ADAM28: variants seen among roughly 807,000 people sequenced by gnomAD.
ADAM28 encodes disintegrin and metalloproteinase domain-containing protein 28.
A neutral mutation model predicts 101.2 loss-of-function variants in ADAM28; 105 were observed. The ratio of observed to expected loss-of-function variants is 1.04; its 90% CI spans 0.89 to 1.22. The LOEUF is 1.22. Among genes scored for constraint, ADAM28 ranks in the 50% most tolerant of loss-of-function variants. The probability of loss-of-function intolerance (pLI) is 0.00; values close to 1 mark genes in which losing one functional copy is unlikely to be tolerated. For synonymous variants in ADAM28, 322 were observed against 310.6 expected (o/e 1.04, Z -0.39); for missense variants, 1,028 against 945.4 (o/e 1.09, Z -1.15).
intron 19 of ADAM28, among the ~76,000 whole-genome samples, chr8:24,350,337 A>C (rs1217870462): frequency 6.6e-6 from 1 of 152,042 alleles, no homozygotes; most frequent in East Asian, 1.9e-4. Context: ...TTGAGACAAG[A>C]GTCTCCCTCT....
At chr8:24,332,526 T>A (rs1018098937) in intron 12 of ADAM28, 134 bp from the exon 13 acceptor site, 31 of 416,080 alleles carry the variant, frequency 7.5e-5, no homozygotes, top group African/African-American at 2.3e-4. Flanking sequence ...TAATTTTTTT[T>A]ATATTTTTTG....
At chr8:24,330,233 C>T (rs1813194539) in intron 11 of ADAM28, 118 bp downstream of exon 11, 2 of 1,251,098 alleles carry the variant, frequency 1.6e-6, no homozygotes, top group Admixed American at 5.0e-5. Context: ...ACTAAATGTG[C>T]ATTTGTGCCA....
intron 16 of ADAM28, among the ~76,000 whole-genome samples, chr8:24,342,767 G>A (rs1460277338): frequency 6.6e-6 from 1 of 152,028 alleles, no homozygotes; most frequent in African/African-American, 2.4e-5. Flanking sequence ...CTGGGACTAG[G>A]GCAGAATTGA....
chr8:24,311,312 G>A (rs905529569), intron 4 of ADAM28, 49 bp from the exon 5 acceptor site: 14 of 1,446,590 alleles, frequency 9.7e-6, no homozygotes, highest in South Asian at 1.2e-5. Context: ...TTTAGCAGCG[G>A]TGCTAAAATT....
intron 10 of ADAM28, among the ~76,000 whole-genome samples, 179 bp from the exon 11 acceptor site, chr8:24,329,806 G>A (rs1311527745): frequency 6.6e-6 from 1 of 151,838 alleles, no homozygotes; most frequent in East Asian, 1.9e-4. Flanking sequence ...TATATGCTGT[G>A]ATGGGCATTC....
intron 18 of ADAM28, among the ~76,000 whole-genome samples, chr8:24,344,559 T>A (rs917158517): frequency 4.6e-5 from 7 of 152,178 alleles, no homozygotes; most frequent in African/African-American, 1.7e-4. Flanking sequence ...TGATGTTTAG[T>A]CTATATTTAT....
chr8:24,318,254 T>C (rs560172690), intron 6 of ADAM28, among the ~76,000 whole-genome samples: 1 of 152,138 alleles, frequency 6.6e-6, no homozygotes, highest in South Asian at 2.1e-4. Flanking sequence ...TTCCATTCCT[T>C]GGTAACTACG....
At position 24,356,527 on chromosome 8, in the gene ADAM28, A is replaced by T. The variant is rs971529921; in HGVS notation, c.*2123A>T. 3.3e-5 allele frequency: 5 copies of T among 152,300 alleles called. No individual in the cohort carries two copies. Among genetic ancestry groups the T allele is most frequent in the African/African-American group, 1.2e-4 (5 of 41,580 alleles). 9.4% of individuals were successfully genotyped at this position (152,300 alleles called of 1,614,324 possible). A position where few individuals can be genotyped will look rare whatever the true frequency, so the allele number is the denominator to read the frequency against. On this transcript the variant is annotated 3_prime_UTR_variant, in exon 23 of 23. Coordinates refer to ENST00000265769, the MANE Select transcript of ADAM28 (RefSeq NM_014265.6). ...TGAAGAGAAGAAATGCAGTACAATG[A>T]CAGGAAAACCATTATTTTATCATAG...
intron 2 of ADAM28, among the ~76,000 whole-genome samples, chr8:24,306,572 C>T (rs1455228417): frequency 6.6e-6 from 1 of 151,482 alleles, no homozygotes; most frequent in African/African-American, 2.4e-5. Flanking sequence ...TCACATTTAG[C>T]AAACAGAAAT....
At chr8:24,339,592 C>T (rs1814521126) in intron 15 of ADAM28, 24 bp downstream of exon 15, 7 of 1,573,786 alleles carry the variant, frequency 4.4e-6, no homozygotes, top group South Asian at 1.1e-5. Context: ...TCTGAACCTT[C>T]CTGCTTCACA....
intron 21 of ADAM28, among the ~76,000 whole-genome samples, chr8:24,352,612 T>C (rs78457900): frequency 0.018 from 2,780 of 152,258 alleles, 101 homozygotes; most frequent in African/African-American, 0.064. Context: ...GGTTTCAACA[T>C]ATGAAATTGT....
intron 18 of ADAM28, among the ~76,000 whole-genome samples, chr8:24,345,425 T>C (rs1305499480): frequency 1.3e-5 from 2 of 152,126 alleles, no homozygotes; most frequent in African/African-American, 2.4e-5. Flanking sequence ...AAGATTATTC[T>C]CTGTATCATA....
chr8:24,313,378 G>T lies in ADAM28; in HGVS notation c.384-10G>T. 1.3e-6 allele frequency: 2 copies of T among 1,599,516 alleles called. No individual in the cohort carries two copies. Among genetic ancestry groups the T allele is most frequent in the South Asian group, 1.1e-5 (1 of 88,296 alleles). ...TTTGTTAAGAAGCCAGAACTCTCAT[G>T]TTTTTTCAGGGGCTACTTCAGTCAG... On this transcript the variant is annotated splice_polypyrimidine_tract_variant and intron_variant, in intron 5 of 22. Transcript: ENST00000265769.
rs1416414980 is a variant in ADAM28 at position 24,323,960 on chromosome 8, G to A, written c.847G>A (p.Val283Ile). 6.2e-6 allele frequency: 10 copies of A among 1,611,956 alleles called. No homozygotes were observed. Among genetic ancestry groups the A allele is most frequent in the African/African-American group, 2.7e-5 (2 of 74,784 alleles). ...LENFSKWRGSVLSRRKRHDIA... is the reference protein window; with the variant it reads ...LENFSKWRGSILSRRKRHDIA... ...GAATTTTTCTAAATGGAGGGGGAGT[G>A]TTCTCTCAAGAAGAAAGCGTCATGA... The change falls in exon 9 of 23, where the codon GTT (valine) becomes ATT (isoleucine). Residue 283 changes from valine to isoleucine, a missense_variant. Physicochemically the swap from Val to Ile is conservative, Grantham distance 29. Coordinates refer to ENST00000265769, the MANE Select transcript of ADAM28 (RefSeq NM_014265.6).
intron 6 of ADAM28, among the ~76,000 whole-genome samples, chr8:24,318,503 C>G (rs1226745796): frequency 6.6e-6 from 1 of 151,892 alleles, no homozygotes; most frequent in African/African-American, 2.4e-5. Context: ...TATCTCTAGC[C>G]TCTGCCCCTC....
At chr8:24,350,223 C>T (rs1170812328) in intron 19 of ADAM28, among the ~76,000 whole-genome samples, 1 of 152,104 alleles carries the variant, frequency 6.6e-6, no homozygotes, top group Non-Finnish European at 1.5e-5. Flanking sequence ...TATTAACTCT[C>T]ATTATGACAG....
chr8:24,297,496 G>A (rs1240042076), intron 1 of ADAM28, among the ~76,000 whole-genome samples: 2 of 152,136 alleles, frequency 1.3e-5, no homozygotes, highest in East Asian at 1.9e-4. Flanking sequence ...TTTATTCCAC[G>A]AAGGCAGCTT....
chr8:24,296,289 A>T (rs1807953603), intron 1 of ADAM28: 1 of 152,150 alleles, frequency 6.6e-6, no homozygotes, highest in African/African-American at 2.4e-5. Flanking sequence ...AATAGTCAAA[A>T]TAACAGACCT....
intron 18 of ADAM28, 96 bp downstream of exon 18, chr8:24,343,680 T>C: frequency 9.1e-7 from 1 of 1,103,964 alleles, no homozygotes; most frequent in East Asian, 2.6e-5. Flanking sequence ...TTTTCTCTGT[T>C]CTTGAAATTT....
Sources: gnomAD v4.1 joint callset for allele counts (sites outside exome capture counted in the v4.1 genomes callset) on GRCh38, gnomAD v4.1.1 for gene constraint, MANE v1.5 for transcripts, NCBI Gene and HGNC (gene_info 2026-07-23, HGNC 2026-07-21) for gene names.